Variants in SLC3A2 observed in about 807,000 individuals in gnomAD.
SLC3A2 encodes the protein solute carrier family 3 member 2.
A neutral mutation model predicts 48.5 loss-of-function variants in SLC3A2; 32 were observed. The ratio of observed to expected loss-of-function variants is 0.66; its 90% CI spans 0.50 to 0.89. SLC3A2 has a LOEUF of 0.89. Among genes scored for constraint, SLC3A2 ranks in the 40% least tolerant of loss-of-function variants. The pLI is 0.00. For missense variants in SLC3A2, 587 were observed against 680.7 expected (o/e 0.86, Z 1.53); for synonymous variants, 277 against 288.8 (o/e 0.96, Z 0.41).
Position 62,856,852 on chromosome 11 carries a change from T to C in SLC3A2, c.112+471T>C, listed in dbSNP as rs536482431. 3.3e-5 allele frequency among the ~76,000 whole-genome samples: 5 copies of C among 151,044 alleles called. No individual in the cohort carries two copies. In the East Asian group the frequency reaches 9.7e-4, roughly 29 times the overall value. On this transcript the variant is annotated intron_variant, in intron 1 of 9. Transcript: ENST00000377889. ...CTTTTTTTTTTTTTTTGAGACGGAGTTTCGCTCTTGTTGCCCAGGCTGGAA... is the reference window on the plus strand; with the variant it reads ...CTTTTTTTTTTTTTTTGAGACGGAGCTTCGCTCTTGTTGCCCAGGCTGGAA...
In SLC3A2 at chr11:62,885,491, C is replaced by G. The variant is rs1382490020; in HGVS notation, c.1026C>G (p.Ser342=). 2 of 1,614,058 alleles carry G rather than the reference C, an allele frequency of 1.2e-6. No individual in the cohort carries two copies. The highest frequency in any genetic ancestry group is 1.7e-6 in the Non-Finnish European group (2 of 1,180,036). Residue 342 remains serine (S), a synonymous_variant, in exon 7 of 9, where the codon TCC becomes TCG. Coordinates refer to ENST00000338663, the MANE Select transcript of SLC3A2 (RefSeq NM_001013251.3). ...TGTCTCAGGCAAGGCTCCTGACTTC[C>G]TTCTTGCCGGCTCAACTTCTCCGAC... ...WSLSQARLLT[S]FLPAQLLRLY...
rs991468316 is a variant in SLC3A2, at chr11:62,880,958, G to A, written c.-66G>A. On this transcript the variant is annotated 5_prime_UTR_variant, in exon 1 of 9. Coordinates refer to ENST00000338663, the MANE Select transcript of SLC3A2 (RefSeq NM_001013251.3). The stretch of plus-strand genomic sequence containing the variant: ...CGGGGAGAGCGTTCTGGGTCCGAGG[G>A]TCCAGGTAGGGGTTGAGCCACCATC... 2 of 1,502,702 alleles carry A rather than the reference G, an allele frequency of 1.3e-6. No homozygotes were observed. Among genetic ancestry groups the A allele is most frequent in the Admixed American group, 4.9e-5 (2 of 40,786 alleles). 93.1% of individuals were successfully genotyped at this position (1,502,702 alleles called of 1,614,324 possible). A position where few individuals can be genotyped will look rare whatever the true frequency, so the allele number is the denominator to read the frequency against.
intron 1 of SLC3A2, among the ~76,000 whole-genome samples, chr11:62,860,652 G>A (rs900601231): frequency 6.6e-6 from 1 of 152,086 alleles, no homozygotes; most frequent in Non-Finnish European, 1.5e-5. Flanking sequence ...ATCCTTCTCA[G>A]CACAGACCCT....
intron 1 of SLC3A2, among the ~76,000 whole-genome samples, chr11:62,861,025 G>A (rs1242326809): frequency 6.6e-6 from 1 of 152,106 alleles, no homozygotes; most frequent in Non-Finnish European, 1.5e-5. Context: ...AGTTTCTTAT[G>A]TCTTCCTTTT....
intron 1 of SLC3A2, among the ~76,000 whole-genome samples, chr11:62,860,117 G>T (rs1459910988): frequency 6.6e-6 from 1 of 152,270 alleles, no homozygotes; most frequent in Middle Eastern, 3.4e-3. Context: ...AGGACTCTGT[G>T]TCATAAATAA....
chr11:62,888,404 C>G lies in SLC3A2; in HGVS notation c.1301C>G (p.Ser434Cys). 3.1e-6 allele frequency: 5 copies of G among 1,614,258 alleles called. No homozygotes were observed. Among genetic ancestry groups the G allele is most frequent in the Non-Finnish European group, 4.2e-6 (5 of 1,180,042 alleles). Reference protein sequence around the residue: ...RLSDQRSKERSLLHGDFHAFS... With the variant: ...RLSDQRSKERCLLHGDFHAFS... ...AGTGACCAGCGGAGTAAGGAGCGCT[C>G]CCTACTGCATGGGGACTTCCACGCG... is the stretch of plus-strand genomic sequence containing the variant. Residue 434 changes from serine to cysteine, a missense_variant, in exon 9 of 9, where the codon TCC becomes TGC. Around this residue, in one of 3 missense-constraint regions of SLC3A2, gnomAD observed 169 missense variants for 204.4 expected, o/e 0.83. Transcript: ENST00000338663.
At position 62,880,907 on chromosome 11, in the gene SLC3A2, C is replaced by G. The variant is rs2085624627; in HGVS notation, c.-117C>G. 1 of 1,450,602 alleles carries G rather than the reference C, an allele frequency of 6.9e-7. No individual in the cohort carries two copies. Among genetic ancestry groups the G allele is most frequent in the African/African-American group, 1.4e-5 (1 of 70,708 alleles). 89.9% of individuals were successfully genotyped at this position (1,450,602 alleles called of 1,614,324 possible). A position where few individuals can be genotyped will look rare whatever the true frequency, so the allele number is the denominator to read the frequency against. On this transcript the variant is annotated 5_prime_UTR_variant, in exon 1 of 9. Coordinates refer to ENST00000338663, the MANE Select transcript of SLC3A2 (RefSeq NM_001013251.3). Reference sequence around the variant, plus strand: ...GCCTGCTGCTGAGCAGATGCAGTAGCCGAAACTGCGCGGAGGCACAGAGGC... The same window carrying G: ...GCCTGCTGCTGAGCAGATGCAGTAGGCGAAACTGCGCGGAGGCACAGAGGC...
chr11:62,876,862 G>A (rs1222629271), upstream of SLC3A2: 1 of 1,035,840 alleles, frequency 9.7e-7, no homozygotes, highest in Non-Finnish European at 1.2e-6. Flanking sequence ...TCGGCCTCCG[G>A]AAGTGCTGGG....
rs767103813 is a variant in SLC3A2 at position 62,887,658 on chromosome 11, G to A, written c.1144-477G>A. Among the ~76,000 whole-genome samples the A allele has an allele frequency of 3.3e-5, 5 of 149,864 alleles. No homozygotes were observed. The South Asian group carries it at 6.3e-4, about 19-fold the overall frequency. On this transcript the variant is annotated intron_variant, in intron 7 of 8. Transcript: ENST00000338663. ...GCAGAGATTGCAGTAAGCCAAGATC[G>A]TGCCATTGCACTCCAGCCTGAACAG...
chr11:62,867,322 C>CTTT (rs56758000), intron 1 of SLC3A2, among the ~76,000 whole-genome samples: 37 of 67,616 alleles, frequency 5.5e-4, no homozygotes, highest in Admixed American at 6.5e-4. Flanking sequence ...CTTTTCTTTT[C>CTTT]TTTTTTTTTT....
chr11:62,886,087 C>A (rs369979863), intron 7 of SLC3A2, among the ~76,000 whole-genome samples: 1 of 152,036 alleles, frequency 6.6e-6, no homozygotes, highest in Non-Finnish European at 1.5e-5. Context: ...GTAAGGAGTT[C>A]GAAACCAGCC....
At chr11:62,863,130 A>G (rs531507265) in intron 1 of SLC3A2, among the ~76,000 whole-genome samples, 1 of 152,266 alleles carries the variant, frequency 6.6e-6, no homozygotes, top group East Asian at 1.9e-4. Context: ...CATGTTGGCC[A>G]GGCTAGTCTC....
Position 62,881,924 on chromosome 11 carries a change from T to C in SLC3A2, c.456T>C (p.Ser152=), listed in dbSNP as rs2085645749. 7 of 1,613,980 alleles carry C rather than the reference T, an allele frequency of 4.3e-6. No homozygotes were observed. Among genetic ancestry groups the C allele is most frequent in the Non-Finnish European group, 5.9e-6 (7 of 1,180,024 alleles). Residue 152 remains serine (S), a synonymous_variant, in exon 2 of 9, where the codon TCT becomes TCC. Transcript: ENST00000338663. The surrounding 1 kb of genome is among the most constrained non-coding windows in gnomAD (Gnocchi z 4.0). ...GLKGRLDYLS[S]LKVKGLVLGP... The stretch of plus-strand genomic sequence containing the variant: ...AGGGGCGTCTCGATTACCTGAGCTC[T>C]CTGAAGGTGAAGGGCCTTGTGCTGG...
intron 1 of SLC3A2, among the ~76,000 whole-genome samples, chr11:62,867,312 CTTTTCTTTTCTTTTT>C (rs1279207004): frequency 9.8e-6 from 1 of 102,140 alleles, no homozygotes; most frequent in African/African-American, 3.8e-5. Context: ...TATTCTTTCT[CTTTTCTTTTCTTTTT>C]TTTTTTTTTT....
chr11:62,876,123 C>A (rs1447224562), upstream of SLC3A2, among the ~76,000 whole-genome samples: 1 of 152,206 alleles, frequency 6.6e-6, no homozygotes, highest in East Asian at 1.9e-4. Flanking sequence ...CCTTAGCTTC[C>A]CAGAGCGCTG....
upstream of SLC3A2, among the ~76,000 whole-genome samples, chr11:62,876,234 T>C (rs1030464216): frequency 2.0e-5 from 3 of 152,292 alleles, no homozygotes; most frequent in Admixed American, 1.3e-4. Context: ...ATAATCCTCA[T>C]GTGTTAGGAA....
intron 2 of SLC3A2, chr11:62,882,308 A>T: frequency 2.0e-6 from 1 of 491,696 alleles, no homozygotes; most frequent in East Asian, 3.6e-5. Flanking sequence ...TATTTGCAAA[A>T]TATAGATATT....
At chr11:62,873,653 T>A (rs1243769252) in intron 1 of SLC3A2, among the ~76,000 whole-genome samples, 1 of 152,086 alleles carries the variant, frequency 6.6e-6, no homozygotes, top group Admixed American at 6.6e-5. Flanking sequence ...AACTTTTTTT[T>A]ATAGAGACAC....
chr11:62,875,627 C>T (rs1241360078), intron 1 of SLC3A2, among the ~76,000 whole-genome samples: 1 of 152,168 alleles, frequency 6.6e-6, no homozygotes, highest in Non-Finnish European at 1.5e-5. Flanking sequence ...AGTGCAATGG[C>T]ACGATCTGGG....
Sources: gnomAD v4.1 joint callset for allele counts (sites outside exome capture counted in the v4.1 genomes callset) on GRCh38, gnomAD v4.1.1 for gene constraint, gnomAD v4.1.1 regional missense constraint, Gnocchi (gnomAD v3.1) non-coding constraint, MANE v1.5 for transcripts, NCBI Gene and HGNC (gene_info 2026-07-23, HGNC 2026-07-21) for gene names.